The following CNTNAP2 variants were observed in gnomAD, a reference collection of about 807,000 sequenced individuals.
CNTNAP2 encodes the protein contactin-associated protein-like 2.
CNTNAP2 carries 98 observed loss-of-function variants against 155.2 expected under a neutral mutation model. The observed-to-expected ratio is 0.63, with a 90% CI of 0.54 to 0.75. The LOEUF (loss-of-function observed/expected upper bound fraction) is 0.75. Among genes scored for constraint, CNTNAP2 ranks in the 30% least tolerant of loss-of-function variants. CNTNAP2 has a pLI of 0.00. For synonymous variants in CNTNAP2, 651 were observed against 631.2 expected, an observed-to-expected ratio of 1.03 and a Z score of -0.47; for missense variants, 1,727 against 1,688.1, an observed-to-expected ratio of 1.02 and a Z score of -0.40.
chr7:146,987,135 G>T (rs571569237), intron 3 of CNTNAP2, among the ~76,000 whole-genome samples: 4 of 152,250 alleles, frequency 2.6e-5, no homozygotes, highest in Admixed American at 2.6e-4. Context: ...AGCAAAACCA[G>T]TGTCTAAGGA....
chr7:147,697,243 C>T (rs544454319), intron 13 of CNTNAP2, among the ~76,000 whole-genome samples: 2 of 152,240 alleles, frequency 1.3e-5, no homozygotes, highest in South Asian at 4.1e-4. Flanking sequence ...TTAGAATAGC[C>T]ATCTCTCAGC....
rs536565272 is a variant in CNTNAP2 at position 147,817,173 on chromosome 7, G to C, written c.2099-86392G>C. Among the ~76,000 whole-genome samples the C allele has an allele frequency of 1.2e-4, 19 of 152,224 alleles. No homozygotes were observed. The South Asian group carries it at 3.9e-3, about 32-fold the overall frequency. On this transcript the variant is annotated intron_variant, in intron 13 of 23. Coordinates refer to ENST00000361727, the MANE Select transcript of CNTNAP2 (RefSeq NM_014141.6). ...AATGACATGGGAAAAAAGGAGAGGGGAAGAAGGAGGAGCACAGCTGTAAAT... is the reference window on the plus strand; with the variant it reads ...AATGACATGGGAAAAAAGGAGAGGGCAAGAAGGAGGAGCACAGCTGTAAAT...
intron 13 of CNTNAP2, among the ~76,000 whole-genome samples, chr7:147,665,656 G>T (rs2116958671): frequency 6.6e-6 from 1 of 152,212 alleles, no homozygotes; most frequent in South Asian, 2.1e-4. Context: ...CCCAGTGTGT[G>T]TTTCCCTCTG....
intron 13 of CNTNAP2, among the ~76,000 whole-genome samples, chr7:147,885,731 C>A (rs540936330): frequency 2.0e-5 from 3 of 152,168 alleles, no homozygotes; most frequent in Non-Finnish European, 4.4e-5. Context: ...TGTCGGCCAA[C>A]CTTTACCCTT....
rs536453542 is a variant in CNTNAP2, at chr7:147,137,876, G to C, written c.1348+5367G>C. 2.9e-4 allele frequency among the ~76,000 whole-genome samples: 24 copies of C among 81,932 alleles called. No homozygotes were observed. In the South Asian group the frequency reaches 0.011, roughly 38 times the overall value. The allele number at this position is 81,932 out of a possible 152,430, so 53.8% of individuals were successfully genotyped here. ...TGATTGGAAAATAGATAGATACGTA[G>C]ATAGATAGATAGATAGATAGATAGA... On this transcript the variant is annotated intron_variant, in intron 8 of 23. Coordinates refer to ENST00000361727, the MANE Select transcript of CNTNAP2 (RefSeq NM_014141.6).
In CNTNAP2 at chr7:146,711,246, T is replaced by C. The variant is rs932632424; in HGVS notation, c.98-63025T>C. Among the ~76,000 whole-genome samples the C allele has an allele frequency of 1.6e-3, 233 of 146,944 alleles. 2 individuals are homozygous for C. Among genetic ancestry groups the C allele is most frequent in the African/African-American group, 5.6e-3 (228 of 40,548 alleles). ...TTTTATATATACATATACATATATA[T>C]TTTATATATACATATAAATATATAA... On this transcript the variant is annotated intron_variant, in intron 1 of 23. Coordinates refer to ENST00000361727, the MANE Select transcript of CNTNAP2 (RefSeq NM_014141.6).
chr7:146,906,486 C>G (rs1460783557), intron 3 of CNTNAP2, among the ~76,000 whole-genome samples: 1 of 151,750 alleles, frequency 6.6e-6, no homozygotes, highest in Non-Finnish European at 1.5e-5. Flanking sequence ...TCAAGTGGGT[C>G]CCTGACCCCT....
intron 1 of CNTNAP2, among the ~76,000 whole-genome samples, chr7:146,654,791 C>T (rs1434095640): frequency 6.6e-6 from 1 of 152,026 alleles, no homozygotes; most frequent in Non-Finnish European, 1.5e-5. Flanking sequence ...GAAGCAGTTT[C>T]AATTACAAGT....
intron 22 of CNTNAP2, among the ~76,000 whole-genome samples, chr7:148,385,142 G>C (rs1799162730): frequency 6.6e-6 from 1 of 152,126 alleles, no homozygotes; most frequent in South Asian, 2.1e-4. Context: ...TCCTTGCCAG[G>C]GCTGTGCTGC....
At chr7:147,026,379 T>C (rs1365461214) in intron 3 of CNTNAP2, among the ~76,000 whole-genome samples, 1 of 152,192 alleles carries the variant, frequency 6.6e-6, no homozygotes, top group Non-Finnish European at 1.5e-5. Context: ...TTGTTTGCTT[T>C]TTAGACTAAC....
At chr7:148,393,492 T>C (rs11984392) in intron 22 of CNTNAP2, among the ~76,000 whole-genome samples, 38,384 of 152,194 alleles carry the variant, frequency 0.25, 5,538 homozygotes, top group Non-Finnish European at 0.33. Flanking sequence ...GTATTAGTCT[T>C]ACCTATTTTT....
At chr7:147,723,319 A>C (rs1796593326) in intron 13 of CNTNAP2, among the ~76,000 whole-genome samples, 1 of 152,112 alleles carries the variant, frequency 6.6e-6, no homozygotes, top group East Asian at 1.9e-4. Context: ...TAGGACCCAG[A>C]CAGCCAAATT....
At chr7:147,197,555 G>T (rs1802832451) in intron 8 of CNTNAP2, among the ~76,000 whole-genome samples, 1 of 152,082 alleles carries the variant, frequency 6.6e-6, no homozygotes, top group Non-Finnish European at 1.5e-5. Context: ...CCGGAAAAAA[G>T]GGGAAGCAAT....
intron 17 of CNTNAP2, among the ~76,000 whole-genome samples, chr7:148,151,898 C>G (rs1245049539): frequency 6.6e-6 from 1 of 152,104 alleles, no homozygotes; most frequent in East Asian, 1.9e-4. Context: ...CACAGTCAGC[C>G]AAGAAATCAG....
At chr7:146,836,066 C>A (rs1344394904) in intron 2 of CNTNAP2, among the ~76,000 whole-genome samples, 2 of 152,044 alleles carry the variant, frequency 1.3e-5, no homozygotes, top group Non-Finnish European at 2.9e-5. Flanking sequence ...AAAAAATATT[C>A]TTGTAAAAGT....
At chr7:146,846,480 C>T (rs894434733) in intron 3 of CNTNAP2, among the ~76,000 whole-genome samples, 1 of 151,970 alleles carries the variant, frequency 6.6e-6, no homozygotes, top group South Asian at 2.1e-4. Context: ...GTTTATACTC[C>T]TCTTAGGCTG....
intron 1 of CNTNAP2, among the ~76,000 whole-genome samples, chr7:146,548,171 C>T (rs182780557): frequency 4.6e-4 from 70 of 151,898 alleles, no homozygotes; most frequent in African/African-American, 1.3e-3. Flanking sequence ...TATGTGTCCA[C>T]GTGTTTTCAT....
intron 1 of CNTNAP2, among the ~76,000 whole-genome samples, chr7:146,522,995 T>A (rs1420817273): frequency 6.6e-6 from 1 of 151,886 alleles, no homozygotes; most frequent in East Asian, 1.9e-4. Flanking sequence ...TTATTTTTAT[T>A]TTATAAAATT....
chr7:148,187,514 C>T (rs2906313), intron 18 of CNTNAP2, among the ~76,000 whole-genome samples: 95,135 of 152,094 alleles, frequency 0.63, 30,208 homozygotes, highest in South Asian at 0.73. Context: ...CTACGTAAAA[C>T]GAGCTTCTGA....
Sources: gnomAD v4.1 joint callset for allele counts (sites outside exome capture counted in the v4.1 genomes callset) on GRCh38, gnomAD v4.1.1 for gene constraint, MANE v1.5 for transcripts, NCBI Gene and HGNC (gene_info 2026-07-23, HGNC 2026-07-21) for gene names.